The following PRCP variants were observed in gnomAD, a reference collection of about 807,000 sequenced individuals.
PRCP encodes the protein prolylcarboxypeptidase.
A neutral mutation model predicts 54.2 loss-of-function variants in PRCP; 46 were observed. That is an observed-to-expected ratio of 0.85 (90% CI 0.67 to 1.09). PRCP has a LOEUF of 1.09. PRCP is among the 50% of genes least tolerant of loss of function. The pLI, the probability that PRCP is intolerant of heterozygous loss-of-function variation, is 0.00. For synonymous variants in PRCP, 240 were observed against 212.2 expected (o/e 1.13, Z -1.14); for missense variants, 613 against 596.8 (o/e 1.03, Z -0.28).
intron 8 of PRCP, chr11:82,829,575 C>T (rs1858327425): frequency 6.6e-6 from 1 of 152,186 alleles, no homozygotes; most frequent in African/African-American, 2.4e-5. Context: ...TAGTCCCCTT[C>T]CCCGGTTTAC....
intron 2 of PRCP, among the ~76,000 whole-genome samples, chr11:82,855,667 A>G (rs576258322): frequency 6.6e-6 from 1 of 152,124 alleles, no homozygotes; most frequent in Non-Finnish European, 1.5e-5. Context: ...ACAAGAAAAA[A>G]CAACCCCATT....
chr11:82,880,983 C>T (rs1859737002), intron 1 of PRCP, among the ~76,000 whole-genome samples: 1 of 152,320 alleles, frequency 6.6e-6, no homozygotes, highest in Non-Finnish European at 1.5e-5. Context: ...AATTTTCCCT[C>T]TTCTAGACTT....
At position 82,838,506 on chromosome 11, in the gene PRCP, C is replaced by T; in HGVS notation, c.1155G>A (p.Trp385Ter). 1 of 1,614,106 alleles carries T rather than the reference C, an allele frequency of 6.2e-7. No individual in the cohort carries two copies. Among genetic ancestry groups the T allele is most frequent in the African/African-American group, 1.3e-5 (1 of 75,040 alleles). ...GVDDMFEPHS[W>*]NLKELSDDCF... ...AGTCATCAGAAAGTTCCTTTAAGTT[C>T]CATGAGTGAGGTTCAAACATGTCAT... Residue 385 changes from tryptophan (W) to a stop codon, truncating the protein, a stop_gained, in exon 8 of 9, where the codon TGG becomes TGA. Coordinates refer to ENST00000313010, the MANE Select transcript of PRCP (RefSeq NM_005040.4). LOFTEE classifies it high-confidence loss of function.
At chr11:82,832,458 T>C (rs950811768) in intron 8 of PRCP, among the ~76,000 whole-genome samples, 1 of 152,242 alleles carries the variant, frequency 6.6e-6, no homozygotes, top group East Asian at 1.9e-4. Context: ...TGATCAGTGA[T>C]GATGAGCTTT....
chr11:82,870,996 T>G (rs72946741), intron 1 of PRCP, among the ~76,000 whole-genome samples: 1,829 of 152,108 alleles, frequency 0.012, 11 homozygotes, highest in Non-Finnish European at 0.019. Flanking sequence ...TTTTAAGGAG[T>G]AAATAATCTT....
chr11:82,890,946 T>G (rs1859994179), intron 1 of PRCP, among the ~76,000 whole-genome samples: 1 of 152,274 alleles, frequency 6.6e-6, no homozygotes, highest in South Asian at 2.1e-4. Flanking sequence ...AAATATGCAG[T>G]GTTGAGAAGA....
chr11:82,860,588 A>G (rs1363670824), intron 1 of PRCP, among the ~76,000 whole-genome samples: 4 of 152,100 alleles, frequency 2.6e-5, no homozygotes, highest in Admixed American at 2.0e-4. Flanking sequence ...TTGTGATAAG[A>G]CCACTTAAAA....
intron 1 of PRCP, among the ~76,000 whole-genome samples, chr11:82,898,436 T>C (rs1860167926): frequency 6.6e-6 from 1 of 152,234 alleles, no homozygotes; most frequent in African/African-American, 2.4e-5. Flanking sequence ...TAGTTCTCTT[T>C]TTCATCAATC....
In PRCP at chr11:82,849,014, T is replaced by G. The variant is rs149573269; in HGVS notation, c.921+35A>C. The G allele has an allele frequency of 6.5e-4, 1,040 of 1,588,422 alleles. 3 individuals carry two copies. The African/African-American group carries it at 0.013, about 20-fold the overall frequency. ...TATGCACATTAAAAAAAAAGTGTGT[T>G]ATTAAAAAATGATGACAGGACATTT... On this transcript the variant is annotated intron_variant, in intron 6 of 8. Transcript: ENST00000313010.
intron 8 of PRCP, chr11:82,828,009 C>T (rs927071886): frequency 7.2e-5 from 11 of 152,082 alleles, no homozygotes; most frequent in African/African-American, 2.4e-4. Flanking sequence ...ATTCTTGATG[C>T]TATTTAAATC....
chr11:82,883,300 C>G (rs976154668), intron 1 of PRCP, among the ~76,000 whole-genome samples: 2 of 152,154 alleles, frequency 1.3e-5, no homozygotes, highest in African/African-American at 4.8e-5. Flanking sequence ...AGAGGTGATA[C>G]AAGACCTGAG....
chr11:82,851,998 T>C (rs1404532938), intron 3 of PRCP, among the ~76,000 whole-genome samples: 1 of 152,178 alleles, frequency 6.6e-6, no homozygotes, highest in Admixed American at 6.5e-5. Context: ...GCTACTGACA[T>C]ATTCTGTGAG....
intron 8 of PRCP, among the ~76,000 whole-genome samples, chr11:82,836,668 C>G (rs564339903): frequency 9.8e-5 from 15 of 152,290 alleles, no homozygotes; most frequent in Admixed American, 4.6e-4. Context: ...GCCACCTCAG[C>G]CTCCTGAGTA....
At chr11:82,900,155 T>A (rs1255691716) in intron 1 of PRCP, 80 bp downstream of exon 1, 25 of 1,525,404 alleles carry the variant, frequency 1.6e-5, no homozygotes, top group Non-Finnish European at 2.2e-5. Context: ...AATTTCGAGG[T>A]AGGCTCCGTT....
At chr11:82,873,419 G>T (rs1859526232) in intron 1 of PRCP, among the ~76,000 whole-genome samples, 1 of 152,156 alleles carries the variant, frequency 6.6e-6, no homozygotes. Context: ...CACTAAATTG[G>T]CAAAAGAGTT....
intron 1 of PRCP, among the ~76,000 whole-genome samples, chr11:82,882,788 C>T (rs888105052): frequency 6.8e-6 from 1 of 147,808 alleles, no homozygotes; most frequent in African/African-American, 2.7e-5. Flanking sequence ...AGCCACCGCG[C>T]CCGGCCGAGC....
chr11:82,839,241 G>C lies in PRCP; in HGVS notation c.1086+20C>G. ...GTCAGTGAAAAGTAAGTTCCACTTG[G>C]GGAAATTATACATATTTACCTGATA... On this transcript the variant is annotated intron_variant, in intron 7 of 8. Coordinates refer to ENST00000313010, the MANE Select transcript of PRCP (RefSeq NM_005040.4). The C allele has an allele frequency of 1.3e-6, 2 of 1,594,140 alleles. No homozygotes were observed. The highest frequency in any genetic ancestry group is 1.7e-4 in the Middle Eastern group (1 of 5,982).
At chr11:82,855,829 T>A (rs1379159369) in intron 2 of PRCP, among the ~76,000 whole-genome samples, 1 of 152,150 alleles carries the variant, frequency 6.6e-6, no homozygotes, top group East Asian at 1.9e-4. Flanking sequence ...AGGATGGCTA[T>A]TATTAAAAAA....
rs535596677 is a variant in PRCP, at chr11:82,823,287, C to A, written c.*1619G>T. On this transcript the variant is annotated 3_prime_UTR_variant, in exon 9 of 9. Coordinates refer to ENST00000313010, the MANE Select transcript of PRCP (RefSeq NM_005040.4). ...GAATATCCTCTATTGAGCCCATAAA[C>A]CCTGCATTATTTAATTTCTTAGTTG... is the stretch of plus-strand genomic sequence containing the variant. Among the ~76,000 whole-genome samples, 217 of 152,218 alleles carry A rather than the reference C, an allele frequency of 1.4e-3. No individual in the cohort carries two copies. The highest frequency in any genetic ancestry group is 2.1e-3 in the Non-Finnish European group (140 of 68,004).
Sources: allele counts gnomAD v4.1 joint callset (sites outside exome capture counted in the v4.1 genomes callset), GRCh38; gene constraint gnomAD v4.1.1; transcripts MANE v1.5; gene names NCBI Gene and HGNC (gene_info 2026-07-23, HGNC 2026-07-21).